Variants in NXPE2 observed in about 807,000 individuals in gnomAD.
The protein encoded by NXPE2 is neurexophilin and PC-esterase domain family member 2, also known as NXPE family member 2.
Under a neutral mutation model 34.4 loss-of-function variants are expected in NXPE2, and 34 were observed. The observed-to-expected ratio is 0.99, with a 90% confidence interval of 0.75 to 1.31. NXPE2 has a LOEUF of 1.31. Ranked by LOEUF, NXPE2 falls within the 40% of genes most tolerant of loss-of-function variation. NXPE2 has a pLI of 0.00. For synonymous variants in NXPE2, 235 were observed against 231.3 expected (o/e 1.02, Z -0.15); for missense variants, 649 against 672.5 (o/e 0.97, Z 0.39).
At chr11:114,510,995 G>A in the NXPE2 span, among the ~76,000 whole-genome samples, 1 of 152,066 alleles carries the variant, frequency 6.6e-6, no homozygotes, top group Admixed American at 6.6e-5. Flanking sequence ...TGTAGTAAAG[G>A]AAAATGAACT....
chr11:114,734,592 A>G, the NXPE2 span, among the ~76,000 whole-genome samples: 4 of 152,324 alleles, frequency 2.6e-5, no homozygotes, highest in Admixed American at 2.6e-4. Flanking sequence ...CTTGAAAGCT[A>G]TGGCTATCAA....
At chr11:114,630,278 A>C in the NXPE2 span, among the ~76,000 whole-genome samples, 20 of 151,756 alleles carry the variant, frequency 1.3e-4, no homozygotes, top group South Asian at 8.3e-4. Flanking sequence ...AACTATACTA[A>C]AAGGCTACAG....
upstream of NXPE2, among the ~76,000 whole-genome samples, chr11:114,675,515 A>T (rs1171874102): frequency 6.6e-6 from 1 of 151,844 alleles, no homozygotes; most frequent in East Asian, 1.9e-4. Context: ...CTAACAATAA[A>T]CTATCTGAAA....
the NXPE2 span, among the ~76,000 whole-genome samples, chr11:114,619,088 G>A: frequency 1.3e-5 from 2 of 152,012 alleles, no homozygotes; most frequent in South Asian, 2.1e-4. Context: ...TGCATCATGG[G>A]TAACCACTGT....
At chr11:114,527,116 T>G in the NXPE2 span, 4 of 152,362 alleles carry the variant, frequency 2.6e-5, no homozygotes, top group African/African-American at 9.6e-5. Flanking sequence ...CAGTGCTCAG[T>G]AAATGTTTGC....
chr11:114,738,497 T>C, the NXPE2 span, among the ~76,000 whole-genome samples: 1 of 152,206 alleles, frequency 6.6e-6, no homozygotes, highest in Admixed American at 6.5e-5. Flanking sequence ...GGGATATGCC[T>C]GGGCCAAGGC....
chr11:114,656,610 A>G, the NXPE2 span, among the ~76,000 whole-genome samples: 4 of 152,038 alleles, frequency 2.6e-5, no homozygotes, highest in African/African-American at 9.7e-5. Context: ...TACTTAATAC[A>G]GTACTGATAA....
chr11:114,727,743 C>A, the NXPE2 span, among the ~76,000 whole-genome samples: 1 of 150,100 alleles, frequency 6.7e-6, no homozygotes. Context: ...ATAATTATTT[C>A]TCTTACCCTG....
the NXPE2 span, among the ~76,000 whole-genome samples, chr11:114,581,155 A>G: frequency 6.6e-6 from 1 of 152,212 alleles, no homozygotes; most frequent in African/African-American, 2.4e-5. Flanking sequence ...TTGCAGAGAC[A>G]TAAAAGCTCT....
the NXPE2 span, among the ~76,000 whole-genome samples, chr11:114,533,031 T>C: frequency 8.7e-4 from 133 of 152,354 alleles, no homozygotes; most frequent in African/African-American, 3.0e-3. Context: ...GAGGCAAGGA[T>C]GTTAGCCACA....
the NXPE2 span, among the ~76,000 whole-genome samples, chr11:114,752,161 T>G: frequency 6.6e-6 from 1 of 152,226 alleles, no homozygotes; most frequent in African/African-American, 2.4e-5. Context: ...TGTGGATATT[T>G]CAGGGAAGAA....
At chr11:114,529,764 A>G in the NXPE2 span, 2 of 172,022 alleles carry the variant, frequency 1.2e-5, no homozygotes, top group Admixed American at 1.1e-4. Flanking sequence ...GGAAGCTGGT[A>G]TGGGTAATCT....
the NXPE2 span, among the ~76,000 whole-genome samples, chr11:114,761,104 C>T: frequency 6.6e-6 from 1 of 152,192 alleles, no homozygotes; most frequent in Non-Finnish European, 1.5e-5. Context: ...ATCCCAGATA[C>T]TTTGAAATGG....
the NXPE2 span, among the ~76,000 whole-genome samples, chr11:114,525,908 C>T: frequency 6.6e-6 from 1 of 152,220 alleles, no homozygotes; most frequent in Admixed American, 6.5e-5. Flanking sequence ...CTTATTCCAT[C>T]CATTGGTCTC....
the NXPE2 span, among the ~76,000 whole-genome samples, chr11:114,615,042 GATA>G: frequency 6.6e-6 from 1 of 151,330 alleles, no homozygotes; most frequent in Non-Finnish European, 1.5e-5. Flanking sequence ...TTACCCACTG[GATA>G]ATAAGTGTTG....
the NXPE2 span, among the ~76,000 whole-genome samples, chr11:114,606,907 G>A: frequency 1.6e-4 from 24 of 151,658 alleles, no homozygotes; most frequent in East Asian, 5.9e-4. Flanking sequence ...ACTGTTACCC[G>A]GTGGATAATA....
the NXPE2 span, among the ~76,000 whole-genome samples, chr11:114,624,490 T>C: frequency 1.3e-5 from 2 of 150,754 alleles, no homozygotes. Context: ...TGCCCATGGG[T>C]AAGCCCTGTT....
rs935307485 is a variant in NXPE2 at position 114,678,606 on chromosome 11, G to T, written c.26+5G>T. ...GGAGAAAATACTCATCCATAGGTGT[G>T]GTACTTTCCAACTCTTACTGCCAAG... On this transcript the variant is annotated splice_donor_5th_base_variant and intron_variant, in intron 1 of 5. Transcript: ENST00000389586. 5.2e-6 allele frequency: 8 copies of T among 1,547,632 alleles called. No individual in the cohort carries two copies. Among genetic ancestry groups the T allele is most frequent in the Non-Finnish European group, 6.1e-6 (7 of 1,143,476 alleles).
At chr11:114,524,919 A>G in the NXPE2 span, among the ~76,000 whole-genome samples, 1 of 152,138 alleles carries the variant, frequency 6.6e-6, no homozygotes, top group Non-Finnish European at 1.5e-5. Context: ...TCCATTTTAG[A>G]TGCTAATCTG....
Sources: allele counts gnomAD v4.1 joint callset (sites outside exome capture counted in the v4.1 genomes callset), GRCh38; gene constraint gnomAD v4.1.1; transcripts MANE v1.5; gene names NCBI Gene and HGNC (gene_info 2026-07-23, HGNC 2026-07-21).